The following ZNF385D variants were observed in gnomAD, a reference collection of about 807,000 sequenced individuals.
ZNF385D encodes the protein zinc finger protein 659.
In ZNF385D, 15 loss-of-function variants were observed where a neutral mutation model predicts 35.8. The observed-to-expected ratio is 0.42, with a 90% CI of 0.28 to 0.64. The LOEUF is 0.64. ZNF385D is among the 30% of genes least tolerant of loss of function. ZNF385D has a pLI of 0.23. For synonymous variants in ZNF385D, 212 were observed against 186.8 expected (o/e 1.13, Z -1.10); for missense variants, 474 against 494.6 (o/e 0.96, Z 0.39).
chr3:22,176,991 A>G (rs537792581), intron 2 of ZNF385D, among the ~76,000 whole-genome samples: 3 of 152,182 alleles, frequency 2.0e-5, no homozygotes, highest in Non-Finnish European at 4.4e-5. Flanking sequence ...TATTACTATT[A>G]TTACATTTTT....
chr3:21,904,343 T>C (rs1699566872), intron 3 of ZNF385D, among the ~76,000 whole-genome samples: 1 of 150,166 alleles, frequency 6.7e-6, no homozygotes, highest in African/African-American at 2.4e-5. Context: ...AAGCTCAAGA[T>C]TCAATATGCA....
chr3:21,817,191 G>A (rs2073188812), intron 3 of ZNF385D, among the ~76,000 whole-genome samples: 3 of 152,228 alleles, frequency 2.0e-5, no homozygotes, highest in African/African-American at 7.2e-5. Context: ...ATTCAAGATG[G>A]ATTAAAGACT....
chr3:21,658,309 C>T (rs2066134023), intron 2 of ZNF385D, among the ~76,000 whole-genome samples: 1 of 152,000 alleles, frequency 6.6e-6, no homozygotes, highest in Non-Finnish European at 1.5e-5. Context: ...AGTAAACAAA[C>T]ACATGAGCCA....
intron 3 of ZNF385D, among the ~76,000 whole-genome samples, chr3:21,520,278 T>C (rs1175795754): frequency 1.3e-5 from 2 of 152,170 alleles, no homozygotes; most frequent in Non-Finnish European, 1.5e-5. Flanking sequence ...TGCCTGTTTC[T>C]CCTAACAGAG....
intron 2 of ZNF385D, among the ~76,000 whole-genome samples, chr3:21,583,804 T>C (rs1414374669): frequency 6.6e-6 from 1 of 150,886 alleles, no homozygotes; most frequent in Non-Finnish European, 1.5e-5. Flanking sequence ...GTTATAACTA[T>C]ACATAGTATG....
rs1045600458 is a variant in ZNF385D at position 22,249,523 on chromosome 3, A to T, written c.107-80488T>A. ...AAGTAATTATGTAAGACACTATTTT[A>T]AAAAACTTATGTAAACAGAACAGTG... On this transcript the variant is annotated intron_variant, in intron 2 of 5. Transcript: ENST00000494108. 5.9e-5 allele frequency among the ~76,000 whole-genome samples: 9 copies of T among 152,188 alleles called. No homozygotes were observed. In the East Asian group the frequency reaches 1.7e-3, roughly 29 times the overall value.
At chr3:21,426,428 C>G (rs1019407872) in intron 5 of ZNF385D, among the ~76,000 whole-genome samples, 1 of 152,136 alleles carries the variant, frequency 6.6e-6, no homozygotes, top group Non-Finnish European at 1.5e-5. Flanking sequence ...GATTGTCAAC[C>G]GTTAACAACC....
At chr3:22,112,293 A>T (rs914086182) in intron 3 of ZNF385D, among the ~76,000 whole-genome samples, 2 of 152,160 alleles carry the variant, frequency 1.3e-5, no homozygotes, top group Non-Finnish European at 2.9e-5. Flanking sequence ...AGTCTGAAAA[A>T]TTAAAATAAT....
At chr3:22,071,587 G>C (rs1242702402) in intron 3 of ZNF385D, among the ~76,000 whole-genome samples, 2 of 152,076 alleles carry the variant, frequency 1.3e-5, no homozygotes, top group African/African-American at 2.4e-5. Flanking sequence ...CACTTTCCCT[G>C]TAATATTGCA....
intron 4 of ZNF385D, among the ~76,000 whole-genome samples, chr3:21,460,296 C>T (rs1703083801): frequency 6.6e-6 from 1 of 152,066 alleles, no homozygotes; most frequent in Non-Finnish European, 1.5e-5. Context: ...GTTTTTGTGT[C>T]TGCTTAAAAT....
intron 1 of ZNF385D, among the ~76,000 whole-genome samples, chr3:21,684,404 C>CTCTCTCTCTCTCTCTCTCCTCT: frequency 1.4e-5 from 1 of 70,666 alleles, no homozygotes; most frequent in African/African-American, 7.4e-5. Flanking sequence ...CTCTCTCTCT[C>CTCTCTCTCTCTCTCTCTCCTCT]CTCTCTCTCT....
chr3:21,809,526 T>C (rs1559643707), intron 3 of ZNF385D, among the ~76,000 whole-genome samples: 1 of 151,624 alleles, frequency 6.6e-6, no homozygotes, highest in East Asian at 1.9e-4. Flanking sequence ...TTGAAACAAG[T>C]AGATTGTGAT....
intron 3 of ZNF385D, among the ~76,000 whole-genome samples, chr3:21,961,187 G>A (rs1041979706): frequency 1.3e-5 from 2 of 151,862 alleles, no homozygotes; most frequent in African/African-American, 2.4e-5. Flanking sequence ...GTAAGTATGT[G>A]CAATTAGAAT....
chr3:21,428,103 G>A (rs7625321), intron 5 of ZNF385D, among the ~76,000 whole-genome samples: 4,167 of 152,172 alleles, frequency 0.027, 185 homozygotes, highest in African/African-American at 0.094. Flanking sequence ...TAGGCAGTAA[G>A]TGTAGCTGTA....
intron 2 of ZNF385D, among the ~76,000 whole-genome samples, chr3:21,606,805 T>A (rs149672206): frequency 1.1e-3 from 167 of 152,338 alleles, no homozygotes; most frequent in African/African-American, 3.8e-3. Flanking sequence ...TAATTAGGAT[T>A]TAACCTCCAT....
intron 3 of ZNF385D, among the ~76,000 whole-genome samples, chr3:21,913,800 T>A (rs1700073172): frequency 6.6e-6 from 1 of 152,096 alleles, no homozygotes; most frequent in Non-Finnish European, 1.5e-5. Flanking sequence ...CACCCTTTGA[T>A]CACAATACTA....
chr3:21,827,830 C>T (rs1404591943), intron 3 of ZNF385D, among the ~76,000 whole-genome samples: 1 of 152,156 alleles, frequency 6.6e-6, no homozygotes, highest in African/African-American at 2.4e-5. Context: ...TGAAGTTTGC[C>T]TTTCATTAAA....
chr3:21,976,335 A>C (rs1379372040), intron 3 of ZNF385D, among the ~76,000 whole-genome samples: 1 of 152,218 alleles, frequency 6.6e-6, no homozygotes, highest in African/African-American at 2.4e-5. Flanking sequence ...AGTAATAAGA[A>C]AACAAATATA....
At chr3:21,883,105 A>G (rs1698362250) in intron 3 of ZNF385D, among the ~76,000 whole-genome samples, 1 of 151,834 alleles carries the variant, frequency 6.6e-6, no homozygotes, top group Admixed American at 6.6e-5. Context: ...AACAACACAT[A>G]TCATCTTATG....
Sources: allele counts gnomAD v4.1 joint callset (sites outside exome capture counted in the v4.1 genomes callset), GRCh38; gene constraint gnomAD v4.1.1; transcripts MANE v1.5; gene names NCBI Gene and HGNC (gene_info 2026-07-23, HGNC 2026-07-21).